MGAT4C: variants seen among roughly 807,000 people sequenced by gnomAD.
MGAT4C encodes alpha-1,3-mannosyl-glycoprotein 4-beta-N-acetylglucosaminyltransferase C.
Under a neutral mutation model 40.1 loss-of-function variants are expected in MGAT4C, and 19 were observed. The observed-to-expected ratio is 0.47, with a 90% CI of 0.33 to 0.70. MGAT4C has a LOEUF of 0.70. Among genes scored for constraint, MGAT4C ranks in the 30% least tolerant of loss-of-function variants. The pLI, the probability that MGAT4C is intolerant of heterozygous loss-of-function variation, is 0.02. For missense variants in MGAT4C, 491 were observed against 563.2 expected (o/e 0.87, Z 1.30); for synonymous variants, 181 against 187.1 (o/e 0.97, Z 0.27).
chr12:86,303,131 T>C (rs1953855558), intron 4 of MGAT4C, among the ~76,000 whole-genome samples: 1 of 150,590 alleles, frequency 6.6e-6, no homozygotes, highest in African/African-American at 2.5e-5. Flanking sequence ...ACCTCCATCC[T>C]TTGTGGAGCT....
At chr12:86,536,291 T>C (rs1592961929) in intron 2 of MGAT4C, among the ~76,000 whole-genome samples, 1 of 152,106 alleles carries the variant, frequency 6.6e-6, no homozygotes, top group Admixed American at 6.6e-5. Context: ...ATTCCACAGT[T>C]CATAAAGGAC....
At chr12:85,982,769 C>T (rs2136692268) in intron 4 of MGAT4C, among the ~76,000 whole-genome samples, 1 of 152,204 alleles carries the variant, frequency 6.6e-6, no homozygotes, top group Non-Finnish European at 1.5e-5. Flanking sequence ...TTGATCTTTG[C>T]AGATATAATT....
chr12:86,101,747 C>A (rs553426604), intron 1 of MGAT4C, among the ~76,000 whole-genome samples: 1 of 151,854 alleles, frequency 6.6e-6, no homozygotes, highest in African/African-American at 2.4e-5. Context: ...ATGATTTAGT[C>A]TAAATACTCA....
At chr12:86,700,195 A>G (rs1950338977) in intron 2 of MGAT4C, among the ~76,000 whole-genome samples, 1 of 141,550 alleles carries the variant, frequency 7.1e-6, no homozygotes. Flanking sequence ...ATAGATAGAT[A>G]GATAGATAGA....
intron 2 of MGAT4C, among the ~76,000 whole-genome samples, chr12:86,466,403 C>T (rs1247272764): frequency 3.9e-5 from 6 of 152,074 alleles, no homozygotes; most frequent in Non-Finnish European, 7.4e-5. Context: ...TTGGAGGAAA[C>T]TTAAATGCAT....
chr12:86,786,979 C>T (rs1013716109), intron 1 of MGAT4C, among the ~76,000 whole-genome samples: 1 of 152,108 alleles, frequency 6.6e-6, no homozygotes, highest in African/African-American at 2.4e-5. Flanking sequence ...TTGTAAGCTT[C>T]AGGCCCATCA....
intron 1 of MGAT4C, among the ~76,000 whole-genome samples, chr12:86,090,057 C>A (rs1226834969): frequency 1.3e-5 from 2 of 151,398 alleles, no homozygotes; most frequent in African/African-American, 2.4e-5. Flanking sequence ...TTGGGATTAA[C>A]CAAAATTTTG....
chr12:86,452,861 A>G (rs1957449486), intron 2 of MGAT4C, among the ~76,000 whole-genome samples: 1 of 152,120 alleles, frequency 6.6e-6, no homozygotes, highest in African/African-American at 2.4e-5. Flanking sequence ...CAAGCCATGG[A>G]TTAGCAAAAA....
chr12:86,686,747 T>C (rs1320738358), intron 2 of MGAT4C, among the ~76,000 whole-genome samples: 1 of 152,248 alleles, frequency 6.6e-6, no homozygotes, highest in Non-Finnish European at 1.5e-5. Context: ...CAATATTTTA[T>C]TGAGAATTTT....
chr12:86,687,639 G>A (rs1199963962), intron 2 of MGAT4C, among the ~76,000 whole-genome samples: 2 of 152,126 alleles, frequency 1.3e-5, no homozygotes, highest in African/African-American at 4.8e-5. Context: ...CCATGTAGTT[G>A]TGCAGTTTTA....
rs192962921 is a variant in MGAT4C at position 86,602,333 on chromosome 12, A to G, written c.-229+124876T>C. ...GCCATACCCTAAGGATCCTGTGACA[A>G]TAAGGTGGTACTTCTTGTTAAAGAA... On this transcript the variant is annotated intron_variant, in intron 2 of 7. Coordinates refer to the MGAT4C transcript ENST00000548651. Among the ~76,000 whole-genome samples, 12 of 152,312 alleles carry G rather than the reference A, an allele frequency of 7.9e-5. No individual in the cohort carries two copies. In the East Asian group the frequency reaches 2.3e-3, roughly 29 times the overall value.
chr12:86,436,698 T>C (rs1449840667), intron 2 of MGAT4C, among the ~76,000 whole-genome samples: 2 of 151,728 alleles, frequency 1.3e-5, no homozygotes, highest in Non-Finnish European at 3.0e-5. Flanking sequence ...TTTAAAACAA[T>C]GTATCGAATA....
chr12:86,699,960 G>A (rs551752926), intron 2 of MGAT4C, among the ~76,000 whole-genome samples: 5 of 151,580 alleles, frequency 3.3e-5, no homozygotes, highest in Non-Finnish European at 4.4e-5. Context: ...TGATGTAATC[G>A]TTATTGAAAA....
chr12:86,732,828 C>CAA (rs5799792), intron 1 of MGAT4C, among the ~76,000 whole-genome samples: 12 of 75,818 alleles, frequency 1.6e-4, no homozygotes, highest in East Asian at 1.4e-3. Flanking sequence ...TTTTCTCCAG[C>CAA]AAAAAAAAAA....
At chr12:86,670,804 C>G (rs1964237340) in intron 2 of MGAT4C, among the ~76,000 whole-genome samples, 1 of 152,146 alleles carries the variant, frequency 6.6e-6, no homozygotes, top group Admixed American at 6.6e-5. Context: ...AATCTTAACC[C>G]TTTTCCCATT....
chr12:85,980,789 C>T (rs1884498857), intron 4 of MGAT4C, among the ~76,000 whole-genome samples: 1 of 151,964 alleles, frequency 6.6e-6, no homozygotes, highest in African/African-American at 2.4e-5. Context: ...ACCTAGATAA[C>T]ATACAAGTTA....
rs1028392519 is a variant in MGAT4C, at chr12:86,266,098, C to T, written c.-57+67967G>A. ...TCTTAAATAAGCAAAGATAACTTGACTTGCTCTTTTCGAGTTTGTATACCT... is the reference window on the plus strand; with the variant it reads ...TCTTAAATAAGCAAAGATAACTTGATTTGCTCTTTTCGAGTTTGTATACCT... On this transcript the variant is annotated intron_variant, in intron 4 of 7. Coordinates refer to the MGAT4C transcript ENST00000548651. 1.2e-4 allele frequency among the ~76,000 whole-genome samples: 19 copies of T among 152,266 alleles called. No individual in the cohort carries two copies. The East Asian group carries it at 3.7e-3, about 29-fold the overall frequency.
chr12:86,183,004 G>A (rs1888297126), intron 1 of MGAT4C, among the ~76,000 whole-genome samples: 1 of 152,088 alleles, frequency 6.6e-6, no homozygotes, highest in African/African-American at 2.4e-5. Context: ...TCTCTGGGGT[G>A]TATTCTGATT....
At chr12:86,501,711 A>C (rs1485216705) in intron 2 of MGAT4C, among the ~76,000 whole-genome samples, 1 of 152,018 alleles carries the variant, frequency 6.6e-6, no homozygotes, top group African/African-American at 2.4e-5. Context: ...TCCATGGTGT[A>C]TATATGCCAA....
Sources: gnomAD v4.1 joint callset for allele counts (sites outside exome capture counted in the v4.1 genomes callset) on GRCh38, gnomAD v4.1.1 for gene constraint, MANE v1.5 for transcripts, NCBI Gene and HGNC (gene_info 2026-07-23, HGNC 2026-07-21) for gene names.